The following PSMA6 variants were observed in gnomAD, a reference collection of about 807,000 sequenced individuals.
The protein encoded by PSMA6 is proteasome 20S subunit alpha 6, also known as proteasome subunit alpha type-6.
For missense variants in PSMA6, 170 were observed against 294.8 expected (o/e 0.58, Z 3.10); for synonymous variants, 88 against 97.7 (o/e 0.90, Z 0.59).
chr14:35,278,839 T>G, intron 1 of PSMA6: 1 of 1,148,998 alleles, frequency 8.7e-7, no homozygotes, highest in East Asian at 2.6e-5. Context: ...CCAAGTTGCT[T>G]TTTTTTCTAT....
intron 4 of PSMA6, 96 bp downstream of exon 4, chr14:35,310,991 C>A: frequency 7.9e-7 from 1 of 1,267,886 alleles, no homozygotes; most frequent in Non-Finnish European, 1.1e-6. Context: ...GAGTTCTGAA[C>A]ATGTGGTTTG....
At chr14:35,303,426 T>C (rs1347591530) in intron 1 of PSMA6, among the ~76,000 whole-genome samples, 2 of 152,182 alleles carry the variant, frequency 1.3e-5, no homozygotes, top group East Asian at 3.8e-4. Context: ...CCCAAACTGT[T>C]CTCTAGTTCT....
Position 35,310,960 on chromosome 14 carries a change from A to G in PSMA6, c.409+65A>G. ...GAAACTTTTTACAGAACATGTATAC[A>G]GAATTATTTAAATAACACTTGAGTT... On this transcript the variant is annotated intron_variant, in intron 4 of 6. Coordinates refer to ENST00000261479, the MANE Select transcript of PSMA6 (RefSeq NM_002791.3). 4.8e-6 allele frequency: 7 copies of G among 1,472,872 alleles called. 1 individual carries two copies. The highest frequency in any genetic ancestry group is 2.4e-5 in the South Asian group (2 of 81,708). The allele number at this position is 1,472,872 out of a possible 1,614,324, so 91.2% of individuals were successfully genotyped here.
At chr14:35,287,234 G>C (rs1453798823) in intron 1 of PSMA6, among the ~76,000 whole-genome samples, 1 of 152,096 alleles carries the variant, frequency 6.6e-6, no homozygotes, top group Non-Finnish European at 1.5e-5. Flanking sequence ...CCAGAGAGCT[G>C]GGCAGAGTCC....
intron 1 of PSMA6, among the ~76,000 whole-genome samples, chr14:35,296,375 G>C (rs193255267): frequency 3.3e-3 from 499 of 152,240 alleles, no homozygotes; most frequent in Non-Finnish European, 5.2e-3. Context: ...TGGTCGCCCA[G>C]GCTAGAGTGC....
At chr14:35,294,508 A>G (rs180958212) in intron 1 of PSMA6, among the ~76,000 whole-genome samples, 5 of 152,200 alleles carry the variant, frequency 3.3e-5, no homozygotes, top group Admixed American at 2.0e-4. Flanking sequence ...GCTCCATACT[A>G]CCTGATCTGG....
chr14:35,301,974 G>T (rs955367735), intron 1 of PSMA6, among the ~76,000 whole-genome samples: 10 of 129,398 alleles, frequency 7.7e-5, no homozygotes, highest in Non-Finnish European at 1.3e-4. Context: ...CACCTGCTCA[G>T]CTTAGGTGAT....
chr14:35,287,554 C>G (rs1436887995), upstream of PSMA6, among the ~76,000 whole-genome samples: 1 of 152,150 alleles, frequency 6.6e-6, no homozygotes, highest in Non-Finnish European at 1.5e-5. Flanking sequence ...CTGCCACTTT[C>G]TACCTTTGCC....
upstream of PSMA6, chr14:35,278,630 G>A (rs992214663): frequency 1.5e-5 from 22 of 1,505,344 alleles, no homozygotes; most frequent in Non-Finnish European, 1.8e-5. Flanking sequence ...GCTGGAGCAG[G>A]GTAGTGTCCT....
intron 3 of PSMA6, 49 bp from the exon 4 acceptor site, chr14:35,310,690 GT>G (rs935734044): frequency 6.3e-7 from 1 of 1,598,068 alleles, no homozygotes; most frequent in Non-Finnish European, 8.5e-7. Flanking sequence ...TGGCTTTCAG[GT>G]TTGTTCTTTC....
chr14:35,300,734 C>T (rs565959080), intron 1 of PSMA6, among the ~76,000 whole-genome samples: 2 of 152,244 alleles, frequency 1.3e-5, no homozygotes, highest in African/African-American at 4.8e-5. Context: ...TCTCCCTTTC[C>T]CACGCACTTT....
chr14:35,281,569 T>A (rs2051366417), intron 1 of PSMA6, among the ~76,000 whole-genome samples: 1 of 152,128 alleles, frequency 6.6e-6, no homozygotes, highest in South Asian at 2.1e-4. Context: ...GCTCCACAAT[T>A]ATATAAAAAA....
Position 35,280,455 on chromosome 14 carries a change from C to T in PSMA6, c.19+1737C>T, listed in dbSNP as rs373371720. Among the ~76,000 whole-genome samples the T allele has an allele frequency of 3.3e-5, 5 of 150,206 alleles. No homozygotes were observed. In the East Asian group the frequency reaches 7.9e-4, roughly 24 times the overall value. ...GGAGCTCAGTGGCGTCAATTTGGCT[C>T]ACTGCAACCTCCACCTCCCGGATTC... is the stretch of plus-strand genomic sequence containing the variant. On this transcript the variant is annotated intron_variant, in intron 1 of 6. Coordinates refer to the PSMA6 transcript ENST00000540871.
intron 1 of PSMA6, among the ~76,000 whole-genome samples, chr14:35,283,641 G>A (rs1038925330): frequency 8.1e-5 from 12 of 148,962 alleles, no homozygotes; most frequent in Middle Eastern, 6.9e-3. Context: ...CTGCAGCCTC[G>A]ACCTCCTGGG....
intron 1 of PSMA6, among the ~76,000 whole-genome samples, chr14:35,283,099 C>T (rs537093650): frequency 6.6e-6 from 1 of 152,136 alleles, no homozygotes; most frequent in South Asian, 2.1e-4. Flanking sequence ...TCACCTTGGC[C>T]TCCCAAAGTG....
chr14:35,314,955 G>GTGTGTGTGTT (rs1401633941), intron 6 of PSMA6: 1 of 148,988 alleles, frequency 6.7e-6, no homozygotes, highest in East Asian at 1.9e-4. Flanking sequence ...GGATGTGTGT[G>GTGTGTGTGTT]TGTGTGTGTG....
chr14:35,285,355 C>CAAAAA (rs3058486), intron 1 of PSMA6, among the ~76,000 whole-genome samples: 22 of 141,816 alleles, frequency 1.6e-4, no homozygotes, highest in Admixed American at 2.8e-4. Context: ...AAACAAAAAA[C>CAAAAA]AAAAAAAAAA....
At chr14:35,290,518 TAATAA>T (rs1191270592), upstream of PSMA6, among the ~76,000 whole-genome samples, 1 of 152,324 alleles carries the variant, frequency 6.6e-6, no homozygotes, top group African/African-American at 2.4e-5. Flanking sequence ...TTTTTTAGAT[TAATAA>T]AATAGAAATT....
chr14:35,297,458 G>A (rs1223243046), intron 1 of PSMA6, among the ~76,000 whole-genome samples: 2 of 152,024 alleles, frequency 1.3e-5, no homozygotes, highest in South Asian at 4.2e-4. Context: ...CTCGTGATCC[G>A]CCTGCCTCGG....
Sources: gnomAD v4.1 joint callset for allele counts (sites outside exome capture counted in the v4.1 genomes callset) on GRCh38, gnomAD v4.1.1 for gene constraint, MANE v1.5 for transcripts, NCBI Gene and HGNC (gene_info 2026-07-23, HGNC 2026-07-21) for gene names.